The following SLC13A1 variants were observed in gnomAD, a reference collection of about 807,000 sequenced individuals.
SLC13A1 encodes the protein solute carrier family 13 member 1.
A neutral mutation model predicts 70.0 loss-of-function variants in SLC13A1; 65 were observed. The ratio of observed to expected loss-of-function variants is 0.93; its 90% CI spans 0.76 to 1.14. The LOEUF (loss-of-function observed/expected upper bound fraction) is 1.14. Among genes scored for constraint, SLC13A1 ranks in the 50% most tolerant of loss-of-function variants. The probability of loss-of-function intolerance (pLI) is 0.00; values close to 1 mark genes in which losing one functional copy is unlikely to be tolerated. For synonymous variants in SLC13A1, 275 were observed against 250.5 expected (o/e 1.10, Z -0.92); for missense variants, 726 against 717.8 (o/e 1.01, Z -0.13).
intron 8 of SLC13A1, among the ~76,000 whole-genome samples, chr7:123,130,892 G>C (rs1230651643): frequency 6.6e-6 from 1 of 151,712 alleles, no homozygotes; most frequent in Non-Finnish European, 1.5e-5. Context: ...CTAATTTTCT[G>C]TCTTGAAGTC....
chr7:123,156,634 G>C (rs1794725634), intron 6 of SLC13A1, among the ~76,000 whole-genome samples: 1 of 151,882 alleles, frequency 6.6e-6, no homozygotes, highest in Non-Finnish European at 1.5e-5. Flanking sequence ...GTGTTCTAAT[G>C]GTTTAAAATG....
chr7:123,171,848 TA>T lies in SLC13A1; in HGVS notation c.284del (p.Leu95Ter). 6.2e-7 allele frequency: 1 copy of T among 1,613,592 alleles called. No individual in the cohort carries two copies. Among genetic ancestry groups the T allele is most frequent in the African/African-American group, 1.3e-5 (1 of 75,038 alleles). ...FHLLLIGVIC[L>X]ATSIEKWNLH... ...AATTCCATTTTTCTATGGATGTTGC[TA>T]AACAGATAACTCCAATTAGCAGTAA... On this transcript the variant is annotated frameshift_variant, in exon 3 of 15. Coordinates refer to ENST00000194130, the MANE Select transcript of SLC13A1 (RefSeq NM_022444.4). LOFTEE classifies it high-confidence loss of function.
intron 1 of SLC13A1, among the ~76,000 whole-genome samples, chr7:123,196,535 C>T (rs893305611): frequency 6.6e-6 from 1 of 151,912 alleles, no homozygotes; most frequent in Admixed American, 6.6e-5. Context: ...ATTTCCAATT[C>T]GGACGCAAGT....
At chr7:123,135,553 A>G (rs1793924000) in intron 7 of SLC13A1, among the ~76,000 whole-genome samples, 1 of 152,106 alleles carries the variant, frequency 6.6e-6, no homozygotes, top group South Asian at 2.1e-4. Flanking sequence ...AGAAATATTG[A>G]TTTGCAATTT....
At chr7:123,196,864 C>T (rs2116696173) in intron 1 of SLC13A1, among the ~76,000 whole-genome samples, 1 of 152,204 alleles carries the variant, frequency 6.6e-6, no homozygotes, top group East Asian at 1.9e-4. Context: ...AACAAAATCA[C>T]TTTTAAAGCA....
chr7:123,196,352 C>T (rs1400621955), intron 1 of SLC13A1, among the ~76,000 whole-genome samples: 5 of 151,958 alleles, frequency 3.3e-5, no homozygotes, highest in Admixed American at 2.6e-4. Flanking sequence ...ATTGCATTAG[C>T]GAAGTGAGAT....
chr7:123,129,973 A>G (rs1228469674), intron 8 of SLC13A1, among the ~76,000 whole-genome samples: 1 of 152,196 alleles, frequency 6.6e-6, no homozygotes. Flanking sequence ...TTGGCCTGCT[A>G]TCTCTGAACA....
At chr7:123,199,624 G>T (rs1162832160) in intron 1 of SLC13A1, among the ~76,000 whole-genome samples, 8 of 151,958 alleles carry the variant, frequency 5.3e-5, no homozygotes, top group Non-Finnish European at 1.0e-4. Context: ...AATTCTGATT[G>T]AATATTCTAT....
Position 123,134,050 on chromosome 7 carries a change from G to T in SLC13A1, c.932+360C>A, listed in dbSNP as rs1200536961. Among the ~76,000 whole-genome samples, 3 of 151,704 alleles carry T rather than the reference G, an allele frequency of 2.0e-5. No homozygotes were observed. The East Asian group carries it at 5.8e-4, about 29-fold the overall frequency. On this transcript the variant is annotated intron_variant, in intron 8 of 14. Transcript: ENST00000194130. ...TTTTTGTTGTTTTGTTTGTTGATTG[G>T]TTTTTTGTTTGTTTTTGGTAGAGAC... is the stretch of plus-strand genomic sequence containing the variant.
At chr7:123,182,911 T>C (rs1280723273) in intron 1 of SLC13A1, among the ~76,000 whole-genome samples, 1 of 152,174 alleles carries the variant, frequency 6.6e-6, no homozygotes, top group Non-Finnish European at 1.5e-5. Context: ...ATCCTCATTT[T>C]GCATTCAAAC....
At chr7:123,141,650 C>T (rs899625647) in intron 7 of SLC13A1, among the ~76,000 whole-genome samples, 1 of 152,102 alleles carries the variant, frequency 6.6e-6, no homozygotes, top group Non-Finnish European at 1.5e-5. Flanking sequence ...TATCCTCTTG[C>T]TGGATTGACT....
intron 6 of SLC13A1, among the ~76,000 whole-genome samples, chr7:123,167,978 A>T (rs1585366812): frequency 6.6e-6 from 1 of 152,234 alleles, no homozygotes; most frequent in South Asian, 2.1e-4. Context: ...AATAATCTAT[A>T]TATCAAACCC....
At chr7:123,160,602 GT>G (rs2116494816) in intron 6 of SLC13A1, among the ~76,000 whole-genome samples, 1 of 152,184 alleles carries the variant, frequency 6.6e-6, no homozygotes, top group South Asian at 2.1e-4. Context: ...ATCTTACAGA[GT>G]TTTGGAAAAC....
intron 10 of SLC13A1, among the ~76,000 whole-genome samples, chr7:123,128,373 G>A (rs996617634): frequency 9.2e-5 from 14 of 152,064 alleles, no homozygotes; most frequent in African/African-American, 2.9e-4. Context: ...ACTTCCAATA[G>A]GGAGAAGTCC....
intron 1 of SLC13A1, among the ~76,000 whole-genome samples, chr7:123,187,336 G>A (rs1795836335): frequency 6.6e-6 from 1 of 152,018 alleles, no homozygotes; most frequent in Admixed American, 6.6e-5. Flanking sequence ...AAGCTTTTTA[G>A]CAGTGTATTC....
At chr7:123,143,390 T>A (rs1794229342) in intron 7 of SLC13A1, among the ~76,000 whole-genome samples, 1 of 152,192 alleles carries the variant, frequency 6.6e-6, no homozygotes, top group Non-Finnish European at 1.5e-5. Flanking sequence ...GTGAGGGTTG[T>A]GGGAAGTCAA....
chr7:123,181,178 C>T (rs1228859511), intron 1 of SLC13A1, 77 bp from the exon 2 acceptor site: 11 of 1,450,818 alleles, frequency 7.6e-6, no homozygotes, highest in Admixed American at 5.8e-5. Flanking sequence ...AACATGTTTG[C>T]TTAATAGAGC....
intron 6 of SLC13A1, among the ~76,000 whole-genome samples, chr7:123,150,368 C>G (rs569817827): frequency 2.0e-5 from 3 of 152,128 alleles, no homozygotes; most frequent in Non-Finnish European, 4.4e-5. Context: ...TGTTTCTCCT[C>G]CAACTTCTTG....
At chr7:123,178,472 A>G (rs1043997782) in intron 2 of SLC13A1, among the ~76,000 whole-genome samples, 1 of 152,168 alleles carries the variant, frequency 6.6e-6, no homozygotes, top group Non-Finnish European at 1.5e-5. Context: ...AATGCTTGAT[A>G]CTTAGTTTGT....
Sources: gnomAD v4.1 joint callset for allele counts (sites outside exome capture counted in the v4.1 genomes callset) on GRCh38, gnomAD v4.1.1 for gene constraint, MANE v1.5 for transcripts, NCBI Gene and HGNC (gene_info 2026-07-23, HGNC 2026-07-21) for gene names.